Variants in NCOA5 observed in about 807,000 individuals in gnomAD.
NCOA5 encodes NCoA-5.
Under a neutral mutation model 59.0 loss-of-function variants are expected in NCOA5, and 12 were observed. The observed-to-expected ratio is 0.20, with a 90% CI of 0.13 to 0.33. The LOEUF (loss-of-function observed/expected upper bound fraction) is 0.33. NCOA5 is among the 10% of genes least tolerant of loss of function. NCOA5 has a pLI of 1.00. For missense variants in NCOA5, 655 were observed against 766.6 expected, an observed-to-expected ratio of 0.85 and a Z score of 1.72; for synonymous variants, 270 against 275.5, an observed-to-expected ratio of 0.98 and a Z score of 0.20.
intron 2 of NCOA5, among the ~76,000 whole-genome samples, chr20:46,072,889 T>C (rs1366724506): frequency 2.0e-5 from 3 of 152,230 alleles, no homozygotes; most frequent in Non-Finnish European, 4.4e-5. Flanking sequence ...AAGAACTATG[T>C]CACTTTGATT....
Position 46,070,448 on chromosome 20 carries a change from T to G in NCOA5, c.127A>C (p.Arg43=), listed in dbSNP as rs888292196. Reference sequence around the variant, plus strand: ...CTGTCCCGGGCATCCCGGCCATTTCTGCCATCCCTGGGCTCTCTCCTTGGA... The same window carrying G: ...CTGTCCCGGGCATCCCGGCCATTTCGGCCATCCCTGGGCTCTCTCCTTGGA... ...GSPRREPRDG[R]NGRDARDSRD... is the part of the protein sequence containing the mutation. The change falls in exon 3 of 8, where the codon AGA becomes CGA. Residue 43 remains arginine, a synonymous_variant. Coordinates refer to ENST00000290231, the MANE Select transcript of NCOA5 (RefSeq NM_020967.3). 26 of 1,614,022 alleles carry G rather than the reference T, an allele frequency of 1.6e-5. No homozygotes were observed. Among genetic ancestry groups the G allele is most frequent in the Non-Finnish European group, 2.1e-5 (25 of 1,180,030 alleles).
intron 2 of NCOA5, 51 bp from the exon 3 acceptor site, chr20:46,070,587 A>AC: frequency 6.4e-7 from 1 of 1,560,314 alleles, no homozygotes. Context: ...AAAGTAGCCA[A>AC]CCCATCAGCT....
chr20:46,080,349 CTAAA>C (rs770135229), intron 1 of NCOA5, among the ~76,000 whole-genome samples: 3 of 152,052 alleles, frequency 2.0e-5, no homozygotes, highest in African/African-American at 4.8e-5. Context: ...TGACTTAAAG[CTAAA>C]TAAATACATT....
chr20:46,085,723 A>G (rs921759536), intron 1 of NCOA5, among the ~76,000 whole-genome samples: 4 of 152,202 alleles, frequency 2.6e-5, no homozygotes, highest in East Asian at 1.9e-4. Flanking sequence ...ACATGAAGCA[A>G]GAGTTGGACT....
intron 2 of NCOA5, among the ~76,000 whole-genome samples, chr20:46,072,838 A>C (rs1427475110): frequency 6.6e-6 from 1 of 152,210 alleles, no homozygotes; most frequent in African/African-American, 2.4e-5. Context: ...ATATTTACTT[A>C]ATGTCTGTCT....
chr20:46,070,080 T>G, intron 3 of NCOA5, 130 bp downstream of exon 3: 2 of 698,246 alleles, frequency 2.9e-6, no homozygotes, highest in Non-Finnish European at 4.7e-6. Flanking sequence ...CAGCAGCACA[T>G]CTATCACTTG....
At chr20:46,067,544 T>C (rs1744495208) in intron 4 of NCOA5, among the ~76,000 whole-genome samples, 1 of 151,842 alleles carries the variant, frequency 6.6e-6, no homozygotes, top group Admixed American at 6.6e-5. Flanking sequence ...ATATTATTAT[T>C]ATTCTAATCT....
intron 2 of NCOA5, among the ~76,000 whole-genome samples, chr20:46,075,843 G>A (rs2084932594): frequency 6.6e-6 from 1 of 152,242 alleles, no homozygotes; most frequent in African/African-American, 2.4e-5. Context: ...TGGCCCTCAA[G>A]AGTTAGATGA....
At chr20:46,083,166 C>T (rs1376251459) in intron 1 of NCOA5, among the ~76,000 whole-genome samples, 1 of 152,170 alleles carries the variant, frequency 6.6e-6, no homozygotes, top group East Asian at 1.9e-4. Flanking sequence ...TTGGACTGAG[C>T]TCCTGAACTA....
At chr20:46,068,037 C>T (rs1328719513) in intron 4 of NCOA5, among the ~76,000 whole-genome samples, 6 of 152,068 alleles carry the variant, frequency 3.9e-5, no homozygotes, top group Non-Finnish European at 5.9e-5. Context: ...CTCCAGCGAT[C>T]CTCCTGCCTC....
intron 4 of NCOA5, among the ~76,000 whole-genome samples, chr20:46,068,133 C>T (rs929170045): frequency 1.3e-5 from 2 of 152,034 alleles, no homozygotes; most frequent in African/African-American, 2.4e-5. Context: ...GGGGTTTTAT[C>T]ATGTTGCTTA....
At chr20:46,070,184 A>C (rs1310338514) in intron 3 of NCOA5, 26 bp downstream of exon 3, 1 of 1,575,366 alleles carries the variant, frequency 6.3e-7, no homozygotes. Flanking sequence ...CTCAGGAAAA[A>C]ACAAGCAGAG....
intron 7 of NCOA5, 38 bp from the exon 8 acceptor site, chr20:46,062,927 C>T (rs766747770): frequency 6.7e-7 from 1 of 1,488,578 alleles, no homozygotes; most frequent in South Asian, 1.4e-5. Context: ...GTTCAAAGTA[C>T]CCCCCAAGGG....
intron 2 of NCOA5, among the ~76,000 whole-genome samples, chr20:46,076,261 G>A (rs1440045343): frequency 6.6e-6 from 1 of 152,158 alleles, no homozygotes; most frequent in Admixed American, 6.5e-5. Flanking sequence ...GCCAAATAAA[G>A]GCAGTTTGTT....
chr20:46,088,908 A>AT (rs552497886), intron 1 of NCOA5, among the ~76,000 whole-genome samples: 21 of 152,052 alleles, frequency 1.4e-4, no homozygotes, highest in African/African-American at 3.4e-4. Flanking sequence ...ACAGATATTT[A>AT]TTTTTTTTAT....
chr20:46,086,080 T>C (rs776711436), intron 1 of NCOA5, among the ~76,000 whole-genome samples: 15 of 152,322 alleles, frequency 9.8e-5, no homozygotes, highest in Non-Finnish European at 2.1e-4. Context: ...GATCTCACCA[T>C]GTTGCCCAGG....
intron 1 of NCOA5, among the ~76,000 whole-genome samples, chr20:46,088,862 T>G (rs376837872): frequency 1.3e-5 from 2 of 152,320 alleles, no homozygotes; most frequent in African/African-American, 4.8e-5. Context: ...CAGAATAATT[T>G]CAGGAGGAAC....
At chr20:46,087,475 T>C (rs2085056615) in intron 1 of NCOA5, among the ~76,000 whole-genome samples, 1 of 152,246 alleles carries the variant, frequency 6.6e-6, no homozygotes, top group Non-Finnish European at 1.5e-5. Flanking sequence ...TTGTTTATTC[T>C]GGTTGGACGC....
chr20:46,083,825 T>C (rs1196785042), intron 1 of NCOA5, among the ~76,000 whole-genome samples: 4 of 152,342 alleles, frequency 2.6e-5, no homozygotes, highest in Non-Finnish European at 5.9e-5. Context: ...CTCGCTAAAC[T>C]ATATTTATGA....
Sources: gnomAD v4.1 joint callset for allele counts (sites outside exome capture counted in the v4.1 genomes callset) on GRCh38, gnomAD v4.1.1 for gene constraint, MANE v1.5 for transcripts, NCBI Gene and HGNC (gene_info 2026-07-23, HGNC 2026-07-21) for gene names.